USP26: variants seen among roughly 807,000 people sequenced by gnomAD.
USP26 encodes the protein ubiquitin carboxyl-terminal hydrolase 26.
For synonymous variants in USP26, 236 were observed against 240.6 expected (o/e 0.98, Z 0.18); for missense variants, 649 against 642.3 (o/e 1.01, Z -0.11).
intron 5 of USP26, among the ~76,000 whole-genome samples, chrX:133,052,241 C>T (rs772343159): frequency 5.4e-5 from 6 of 111,917 alleles, no homozygotes; most frequent in Non-Finnish European, 1.1e-4. Flanking sequence ...AATTGACTTA[C>T]GATAGTGGAG....
Position 133,023,850 on chromosome X carries a change from G to A in USP26, c.*1629C>T, listed in dbSNP as rs1186144952. Among the ~76,000 whole-genome samples the A allele has an allele frequency of 8.9e-6, 1 of 111,767 alleles. No individual in the cohort carries two copies. The highest frequency in any genetic ancestry group is 1.9e-5 in the Non-Finnish European group (1 of 53,130). The stretch of plus-strand genomic sequence containing the variant: ...ACCCTAGGCTTAAGAGCATCAACAA[G>A]CTCTTGGATTAATACAACTATACTG... On this transcript the variant is annotated 3_prime_UTR_variant, in exon 6 of 6. Coordinates refer to ENST00000511190, the MANE Select transcript of USP26 (RefSeq NM_031907.3).
chrX:133,056,099 G>A (rs1330921604), intron 5 of USP26, among the ~76,000 whole-genome samples: 1 of 111,453 alleles, frequency 9.0e-6, no homozygotes. Context: ...AAGCAAAAGG[G>A]GTATAATCAG....
chrX:133,030,480 A>G (rs2067372326), intron 5 of USP26, among the ~76,000 whole-genome samples: 1 of 112,396 alleles, frequency 8.9e-6, no homozygotes, highest in African/African-American at 3.2e-5. Flanking sequence ...TATCTGCTCA[A>G]TGTTGGGTAT....
chrX:133,078,574 C>T (rs1047325464), intron 5 of USP26, among the ~76,000 whole-genome samples: 1 of 111,861 alleles, frequency 8.9e-6, no homozygotes, highest in South Asian at 3.7e-4. Context: ...ATTTTCTTTT[C>T]GACTAAGTTT....
rs1470072139 is a variant in USP26, at chrX:133,027,536, C to G, written c.685G>C (p.Glu229Gln). ...EKQLKLKELE[E>Q]NKKLECESSC... is the part of the protein sequence containing the mutation. ...GATTCACATTCCAATTTCTTATTCT[C>G]TTCTAACTCTTTTAACTTCAATTGT... Residue 229 changes from glutamate to glutamine, a missense_variant, in exon 6 of 6, where the codon GAG (glutamate) becomes CAG (glutamine). Glu to Gln is a conservative substitution (Grantham distance 29, BLOSUM62 2). Transcript: ENST00000511190. The G allele has an allele frequency of 3.3e-6, 4 of 1,208,338 alleles. No homozygotes were observed. Among genetic ancestry groups the G allele is most frequent in the Admixed American group, 4.4e-5 (2 of 45,568 alleles).
intron 5 of USP26, among the ~76,000 whole-genome samples, chrX:133,062,708 T>G (rs1469031673): frequency 9.3e-6 from 1 of 107,492 alleles, no homozygotes; most frequent in African/African-American, 3.4e-5. Flanking sequence ...AGCAATAACA[T>G]CCACATCAAC....
rs1404835460 is a variant in USP26, at chrX:133,025,306, G to A, written c.*173C>T. 8.7e-6 allele frequency: 6 copies of A among 689,096 alleles called. No homozygotes were observed. Among genetic ancestry groups the A allele is most frequent in the Admixed American group, 3.4e-5 (1 of 29,011 alleles). 56.8% of individuals were successfully genotyped at this position (689,096 alleles called of 1,213,427 possible). A position where few individuals can be genotyped will look rare whatever the true frequency, so the allele number is the denominator to read the frequency against. ...TCAGCCAGAGCTATGGGATTGAGGT[G>A]TCTGTGTCAGGATTAGAATGCAGAT... On this transcript the variant is annotated 3_prime_UTR_variant, in exon 6 of 6. Transcript: ENST00000511190.
At chrX:133,042,515 T>C (rs2067423592) in intron 5 of USP26, among the ~76,000 whole-genome samples, 1 of 111,435 alleles carries the variant, frequency 9.0e-6, no homozygotes, top group Non-Finnish European at 1.9e-5. Flanking sequence ...TCACTCTCTG[T>C]GGGTTGCACC....
chrX:133,032,324 G>C (rs112844753), intron 5 of USP26, among the ~76,000 whole-genome samples: 3,813 of 111,499 alleles, frequency 0.034, 97 homozygotes, highest in East Asian at 0.1. Flanking sequence ...GCAGGGTGTT[G>C]AAGGAAGTGA....
At position 133,025,368 on chromosome X, in the gene USP26, A is replaced by G; in HGVS notation, c.*111T>C. ...GTGTTTCTGTTTGACCTTTGGTCCT[A>G]GACTAATTGCATTTTCATCTCTGGA... On this transcript the variant is annotated 3_prime_UTR_variant, in exon 6 of 6. Coordinates refer to ENST00000511190, the MANE Select transcript of USP26 (RefSeq NM_031907.3). 1 of 1,138,986 alleles carries G rather than the reference A, an allele frequency of 8.8e-7. No individual in the cohort carries two copies. Among genetic ancestry groups the G allele is most frequent in the East Asian group, 3.2e-5 (1 of 31,616 alleles). The allele number at this position is 1,138,986 out of a possible 1,213,427, so 93.9% of individuals were successfully genotyped here.
rs1475860527 is a variant in USP26, at chrX:133,028,134, T to C, written c.87A>G (p.Ala29=). 8.3e-7 allele frequency: 1 copy of C among 1,211,659 alleles called. No homozygotes were observed. Among genetic ancestry groups the C allele is most frequent in the Middle Eastern group, 2.3e-4 (1 of 4,355 alleles). Residue 29 remains alanine, a synonymous_variant, in exon 6 of 6, where the codon GCA becomes GCG. Coordinates refer to ENST00000511190, the MANE Select transcript of USP26 (RefSeq NM_031907.3). ...GTCTATCTTTCTTCTTTCTTTCCAC[T>C]GCTTCAATGAATGCTTCTTTTGACT... The part of the protein sequence containing the change: ...ISKSKEAFIE[A]VERKKKDRLV...
intron 5 of USP26, among the ~76,000 whole-genome samples, chrX:133,031,064 T>C (rs150864120): frequency 0.015 from 1,654 of 112,018 alleles, 23 homozygotes; most frequent in African/African-American, 0.049. Flanking sequence ...TATATGGCAG[T>C]GTGGTACAGG....
chrX:133,039,905 T>G (rs1257883731), intron 5 of USP26, among the ~76,000 whole-genome samples: 3 of 111,795 alleles, frequency 2.7e-5, no homozygotes, highest in African/African-American at 9.8e-5. Context: ...TTTAGGATAG[T>G]TAGTTCTTCT....
chrX:133,088,925 T>C (rs2067598367), intron 4 of USP26, among the ~76,000 whole-genome samples: 1 of 109,947 alleles, frequency 9.1e-6, no homozygotes, highest in African/African-American at 3.3e-5. Flanking sequence ...AAAGCTCCAT[T>C]AAGTGGTTTT....
chrX:133,070,621 T>C (rs1395027747), intron 5 of USP26, among the ~76,000 whole-genome samples: 4 of 112,177 alleles, frequency 3.6e-5, no homozygotes. Context: ...ATGTGAGTTA[T>C]ATAAATTTCT....
chrX:133,089,414 A>T (rs1217862771), intron 4 of USP26, among the ~76,000 whole-genome samples: 2 of 111,776 alleles, frequency 1.8e-5, no homozygotes, highest in Non-Finnish European at 3.8e-5. Context: ...TCCATCCCAG[A>T]TAGCTAGAGT....
At chrX:133,039,062 A>G (rs1228746973) in intron 5 of USP26, among the ~76,000 whole-genome samples, 1 of 111,285 alleles carries the variant, frequency 9.0e-6, no homozygotes, top group East Asian at 2.8e-4. Flanking sequence ...TTTCTTCTTT[A>G]TTAGTCTGAC....
chrX:133,083,805 G>A (rs925662376), intron 4 of USP26, 34 bp from the exon 5 acceptor site: 1 of 111,762 alleles, frequency 8.9e-6, no homozygotes, highest in Non-Finnish European at 1.9e-5. Flanking sequence ...GGGGAAAAAA[G>A]AAGTTGCTCT....
chrX:133,031,913 G>A (rs1303435631), intron 5 of USP26, among the ~76,000 whole-genome samples: 1 of 111,557 alleles, frequency 9.0e-6, no homozygotes, highest in Non-Finnish European at 1.9e-5. Flanking sequence ...TGGGGAGGCT[G>A]AGGCAGATGG....
Sources: gnomAD v4.1 joint callset for allele counts (sites outside exome capture counted in the v4.1 genomes callset) on GRCh38, gnomAD v4.1.1 for gene constraint, MANE v1.5 for transcripts, NCBI Gene and HGNC (gene_info 2026-07-23, HGNC 2026-07-21) for gene names.